ASIC2: variants seen among roughly 807,000 people sequenced by gnomAD.
ASIC2 encodes the protein acid-sensing ion channel 2.
A neutral mutation model predicts 57.3 loss-of-function variants in ASIC2; 25 were observed. The observed-to-expected ratio is 0.44, with a 90% CI of 0.32 to 0.61. The LOEUF (loss-of-function observed/expected upper bound fraction) is 0.61, where lower values mean the gene tolerates loss of function less well. Among genes scored for constraint, ASIC2 ranks in the 20% least tolerant of loss-of-function variants. The probability of loss-of-function intolerance (pLI) is 0.06; values close to 1 mark genes in which losing one functional copy is unlikely to be tolerated. For missense variants in ASIC2, 641 were observed against 738.1 expected (o/e 0.87, Z 1.52); for synonymous variants, 319 against 307.5 (o/e 1.04, Z -0.39).
At chr17:33,728,282 G>A (rs758799474) in intron 1 of ASIC2, among the ~76,000 whole-genome samples, 99 of 152,254 alleles carry the variant, frequency 6.5e-4, no homozygotes, top group Non-Finnish European at 1.0e-3. Flanking sequence ...GCTGGGACAC[G>A]TTCTACAGCA....
chr17:33,859,062 T>C (rs1418487781), intron 1 of ASIC2, among the ~76,000 whole-genome samples: 1 of 152,238 alleles, frequency 6.6e-6, no homozygotes. Flanking sequence ...CTACATGCCA[T>C]TCATTATGTC....
In ASIC2 at chr17:33,894,346, CGTGCGTGT is replaced by C. The variant is rs1262315708; in HGVS notation, c.555+261624_555+261631del. 7.5e-3 allele frequency among the ~76,000 whole-genome samples: 657 copies of C among 87,384 alleles called. 3 individuals carry two copies. The highest frequency in any genetic ancestry group is 0.02 in the African/African-American group (630 of 31,828). The allele number at this position is 87,384 out of a possible 152,430, so 57.3% of individuals were successfully genotyped here. The stretch of plus-strand genomic sequence containing the variant: ...GAAGCTCTGCGTGCGTGCGTGCGTG[CGTGCGTGT>C]GTGTGTGTGTGTGTGTGTGTGTGTG... On this transcript the variant is annotated intron_variant, in intron 1 of 9. Coordinates refer to the ASIC2 transcript ENST00000359872.
intron 1 of ASIC2, among the ~76,000 whole-genome samples, chr17:34,029,585 AG>A (rs1349109261): frequency 3.3e-5 from 5 of 152,186 alleles, no homozygotes; most frequent in Admixed American, 2.6e-4. Context: ...GATCTTTGGA[AG>A]ACAATTGAGG....
intron 1 of ASIC2, among the ~76,000 whole-genome samples, chr17:33,914,011 A>C (rs1915527784): frequency 6.6e-6 from 1 of 152,202 alleles, no homozygotes; most frequent in African/African-American, 2.4e-5. Flanking sequence ...TTACTTACTA[A>C]ACTTTATCGC....
chr17:33,396,016 C>T (rs1323874824), intron 1 of ASIC2, among the ~76,000 whole-genome samples: 1 of 152,108 alleles, frequency 6.6e-6, no homozygotes, highest in Non-Finnish European at 1.5e-5. Flanking sequence ...TTGGAAGAAC[C>T]GTCAGACTCT....
intron 1 of ASIC2, among the ~76,000 whole-genome samples, chr17:33,117,789 C>T (rs963632969): frequency 3.3e-5 from 5 of 152,094 alleles, no homozygotes; most frequent in East Asian, 3.8e-4. Context: ...CTTCTATACT[C>T]GAAGGAAGTA....
At chr17:33,439,796 C>T (rs561992691) in intron 1 of ASIC2, among the ~76,000 whole-genome samples, 1 of 152,286 alleles carries the variant, frequency 6.6e-6, no homozygotes, top group Admixed American at 6.5e-5. Context: ...CAACATGTTA[C>T]AAGACCTTGG....
intron 1 of ASIC2, among the ~76,000 whole-genome samples, chr17:33,382,374 A>G (rs1016381934): frequency 8.5e-5 from 13 of 152,206 alleles, no homozygotes; most frequent in African/African-American, 3.1e-4. Context: ...ACACTACACT[A>G]TGGATACGGT....
chr17:33,059,526 A>G (rs1210093181), intron 3 of ASIC2, among the ~76,000 whole-genome samples: 11 of 152,296 alleles, frequency 7.2e-5, no homozygotes, highest in African/African-American at 2.6e-4. Flanking sequence ...TCCATGGTGT[A>G]TATATGCCAC....
intron 1 of ASIC2, among the ~76,000 whole-genome samples, chr17:33,548,209 C>T (rs775450554): frequency 4.6e-5 from 7 of 152,126 alleles, no homozygotes; most frequent in Admixed American, 1.3e-4. Context: ...AGCAGCACAT[C>T]AAGGAAAAGA....
intron 1 of ASIC2, among the ~76,000 whole-genome samples, chr17:33,274,032 A>C (rs1597661186): frequency 1.3e-5 from 2 of 152,208 alleles, no homozygotes; most frequent in South Asian, 4.1e-4. Flanking sequence ...CAGAAATGTT[A>C]ATGAACTAGT....
chr17:33,291,480 G>A lies in ASIC2; in HGVS notation c.636C>T (p.Gly212=). ...AGAGCAGCATGTCCTCCAGCTGGTG[G>A]CCCAGGCGGTCCATGAAGGCGGCGC... The part of the protein sequence containing the change: ...GISAAFMDRL[G]HQLEDMLLSC... The change falls in exon 1 of 10, where the codon GGC becomes GGT. Residue 212 remains glycine (G), a synonymous_variant. Transcript: ENST00000225823. The A allele has an allele frequency of 6.2e-7, 1 of 1,612,570 alleles. No individual in the cohort carries two copies. The highest frequency in any genetic ancestry group is 1.3e-5 in the African/African-American group (1 of 75,048).
intron 1 of ASIC2, among the ~76,000 whole-genome samples, chr17:34,032,846 TAC>T (rs964550808): frequency 4.5e-4 from 68 of 151,602 alleles, no homozygotes; most frequent in African/African-American, 1.6e-3. Context: ...AGTACAGGAG[TAC>T]CCAGATTCAT....
At chr17:33,314,332 A>G (rs532197052) in intron 1 of ASIC2, among the ~76,000 whole-genome samples, 1 of 152,172 alleles carries the variant, frequency 6.6e-6, no homozygotes, top group Non-Finnish European at 1.5e-5. Flanking sequence ...GGGACTCCCT[A>G]AGTGCTATTA....
In ASIC2 at chr17:34,084,416, G is replaced by A. The variant is rs532390804; in HGVS notation, c.555+71562C>T. ...TCCATTGATCTATATCTCTGTTTTGGTACCAGTACCATGCTGTTTTGGTTA... is the reference window on the plus strand; with the variant it reads ...TCCATTGATCTATATCTCTGTTTTGATACCAGTACCATGCTGTTTTGGTTA... On this transcript the variant is annotated intron_variant, in intron 1 of 9. Transcript: ENST00000359872. Among the ~76,000 whole-genome samples, 4 of 152,284 alleles carry A rather than the reference G, an allele frequency of 2.6e-5. No individual in the cohort carries two copies. In the South Asian group the frequency reaches 8.3e-4, roughly 32 times the overall value.
chr17:33,925,433 C>T lies in ASIC2; in HGVS notation c.555+230545G>A, dbSNP rs530249861. On this transcript the variant is annotated intron_variant, in intron 1 of 9. Coordinates refer to the ASIC2 transcript ENST00000359872. ...TGGTGTACAGAACAAAGGAGAAGGC[C>T]ACATAGAGCTTCTTTCTTCCAAGAC... is the stretch of plus-strand genomic sequence containing the variant. Among the ~76,000 whole-genome samples, 31 of 152,300 alleles carry T rather than the reference C, an allele frequency of 2.0e-4. 1 individual carries two copies. In the South Asian group the frequency reaches 6.2e-3, roughly 31 times the overall value.
chr17:34,006,838 T>G (rs906716514), intron 1 of ASIC2: 1 of 151,988 alleles, frequency 6.6e-6, no homozygotes, highest in Middle Eastern at 3.4e-3. Flanking sequence ...TGTTGGTGGG[T>G]TTTTTTTCTT....
intron 3 of ASIC2, among the ~76,000 whole-genome samples, chr17:33,043,951 A>G (rs560938917): frequency 6.6e-6 from 1 of 152,320 alleles, no homozygotes; most frequent in East Asian, 1.9e-4. Flanking sequence ...TGAACTACCC[A>G]TGGTTTGTGA....
At chr17:33,299,858 G>A (rs1905877989) in intron 1 of ASIC2, among the ~76,000 whole-genome samples, 2 of 152,180 alleles carry the variant, frequency 1.3e-5, no homozygotes, top group Admixed American at 6.5e-5. Context: ...TGAAGTGGGA[G>A]CTGGGTATAA....
Sources: allele counts gnomAD v4.1 joint callset (sites outside exome capture counted in the v4.1 genomes callset), GRCh38; gene constraint gnomAD v4.1.1; transcripts MANE v1.5; gene names NCBI Gene and HGNC (gene_info 2026-07-23, HGNC 2026-07-21).